The following SNAPC4 variants were observed in gnomAD, a reference collection of about 807,000 sequenced individuals.
The protein encoded by SNAPC4 is small nuclear RNA activating complex polypeptide 4, also known as snRNA-activating protein complex subunit 4.
SNAPC4 carries 127 observed loss-of-function variants against 151.3 expected under a neutral mutation model. The observed-to-expected ratio is 0.84, with a 90% CI of 0.73 to 0.97. SNAPC4 has a LOEUF of 0.97. Among genes scored for constraint, SNAPC4 ranks in the 50% least tolerant of loss-of-function variants. The pLI, the probability that SNAPC4 is intolerant of heterozygous loss-of-function variation, is 0.00. For synonymous variants in SNAPC4, 1,002 were observed against 824.4 expected (o/e 1.22, Z -3.69); for missense variants, 2,186 against 1,935.0 (o/e 1.13, Z -2.43).
chr9:136,394,196 T>C (rs1834177917), intron 7 of SNAPC4, 53 bp downstream of exon 7: 10 of 1,409,504 alleles, frequency 7.1e-6, no homozygotes, highest in Non-Finnish European at 8.0e-6. Context: ...ATTCCAGGCA[T>C]GAGCCCTATG....
chr9:136,388,698 A>G, intron 10 of SNAPC4, 107 bp from the exon 11 acceptor site: 2 of 1,332,538 alleles, frequency 1.5e-6, no homozygotes, highest in Non-Finnish European at 2.1e-6. Flanking sequence ...CACTGGGGTG[A>G]CCCTTCTGCA....
At position 136,387,764 on chromosome 9, in the gene SNAPC4, T is replaced by G. The variant is rs1418571025; in HGVS notation, c.1208A>C (p.Tyr403Ser). 1 of 1,610,882 alleles carries G rather than the reference T, an allele frequency of 6.2e-7. No individual in the cohort carries two copies. Among genetic ancestry groups the G allele is most frequent in the Non-Finnish European group, 8.5e-7 (1 of 1,177,104 alleles). Residue 403 changes from tyrosine to serine, a missense_variant, in exon 12 of 24, where the codon TAC (tyrosine) becomes TCC (serine). By Grantham distance (144) the Tyr-to-Ser change is moderately radical. Coordinates refer to ENST00000684778, the MANE Select transcript of SNAPC4 (RefSeq NM_003086.4). ...KSLDPGLKKGYWAPEEDAKLL... is the reference protein window; with the variant it reads ...KSLDPGLKKGSWAPEEDAKLL... The stretch of plus-strand genomic sequence containing the variant: ...TACAGCATCTTCCTCCGGGGCCCAG[T>G]AACCCTTCTTCAGACCAGGATCCAA...
At chr9:136,385,797 G>C (rs1398737743) in intron 13 of SNAPC4, among the ~76,000 whole-genome samples, 1 of 152,062 alleles carries the variant, frequency 6.6e-6, no homozygotes, top group Non-Finnish European at 1.5e-5. Context: ...CTCATGATCT[G>C]TCCGCCTTGG....
chr9:136,375,986 C>G (rs747205425), intron 23 of SNAPC4, among the ~76,000 whole-genome samples, 186 bp from the exon 24 acceptor site: 1 of 152,200 alleles, frequency 6.6e-6, no homozygotes, highest in Non-Finnish European at 1.5e-5. Context: ...GAAGAGCCAG[C>G]CTGGTGGCTG....
chr9:136,379,414 C>A, intron 21 of SNAPC4, 115 bp from the exon 22 acceptor site: 1 of 1,491,432 alleles, frequency 6.7e-7, no homozygotes, highest in African/African-American at 1.4e-5. Context: ...GGTCTTGAGC[C>A]AAGAGAGGGT....
At position 136,389,754 on chromosome 9, in the gene SNAPC4, G is replaced by T. The variant is rs375921442; in HGVS notation, c.976-1163C>A. On this transcript the variant is annotated intron_variant, in intron 10 of 23. Coordinates refer to ENST00000684778, the MANE Select transcript of SNAPC4 (RefSeq NM_003086.4). ...AGTTGGGAAGGCAAAGGACTGGGGG[G>T]TGGGGCGGGATTCAGAGCTGGGCCC... is the stretch of plus-strand genomic sequence containing the variant. 4.6e-5 allele frequency among the ~76,000 whole-genome samples: 7 copies of T among 152,298 alleles called. No individual in the cohort carries two copies. In the East Asian group the frequency reaches 9.7e-4, roughly 21 times the overall value.
In SNAPC4 at chr9:136,383,833, G is replaced by T; in HGVS notation, c.1500+120C>A. On this transcript the variant is annotated intron_variant, in intron 15 of 23. Transcript: ENST00000684778. This position sits in a 1 kb window ranked among gnomAD's most constrained non-coding sequence, Gnocchi z 4.2. ...TCCCTTTGCCCTTGGCCACCCAGAA[G>T]AAGAAATGCCAAGACCAGAAACCGA... 2 of 1,344,992 alleles carry T rather than the reference G, an allele frequency of 1.5e-6. No homozygotes were observed. The highest frequency in any genetic ancestry group is 1.2e-5 in the South Asian group (1 of 80,984). 83.3% of individuals were successfully genotyped at this position (1,344,992 alleles called of 1,614,324 possible).
rs1417880829 is a variant in SNAPC4, at chr9:136,378,350, G to A, written c.3477C>T (p.Ala1159=). 1.9e-6 allele frequency: 3 copies of A among 1,609,392 alleles called. No homozygotes were observed. The East Asian group carries it at 6.7e-5, about 36-fold the overall frequency. Residue 1159 remains alanine, a synonymous_variant, in exon 22 of 24, where the codon GCC becomes GCT. Transcript: ENST00000684778. ...RTDTPAPPTH[A]LSQSPAEADG... ...CCGCTTCTGCAGGACTTTGGGAGAG[G>A]GCGTGTGTGGGAGGAGCTGGGGTGT...
chr9:136,383,083 A>G lies in SNAPC4; in HGVS notation c.1983+103T>C. On this transcript the variant is annotated intron_variant, in intron 16 of 23. Coordinates refer to ENST00000684778, the MANE Select transcript of SNAPC4 (RefSeq NM_003086.4). The surrounding 1 kb of genome is among the most constrained non-coding windows in gnomAD (Gnocchi z 4.2). ...CCAGAAGTAGCACGTTCTGATGCAC[A>G]CGAACCCTGGGGCCCCTGCTGCTGC... 6.9e-7 allele frequency: 1 copy of G among 1,447,584 alleles called. No homozygotes were observed. The highest frequency in any genetic ancestry group is 1.5e-5 in the South Asian group (1 of 68,210). The allele number at this position is 1,447,584 out of a possible 1,614,324, so 89.7% of individuals were successfully genotyped here.
rs564608159 is a variant in SNAPC4 at position 136,395,357 on chromosome 9, G to A, written c.412C>T (p.Pro138Ser). The change falls in exon 5 of 24, where the codon CCA becomes TCA. Residue 138 changes from proline to serine, a missense_variant. By Grantham distance (74) the Pro-to-Ser change is moderately conservative. Coordinates refer to ENST00000684778, the MANE Select transcript of SNAPC4 (RefSeq NM_003086.4). ...TKVKDGKSLP[P>S]STYMGHFMKP... ...ATGAAGTGCCCCATGTATGTGCTTG[G>A]GGGCAGGCTTTTGCCATCTTTCACC... 71 of 1,613,674 alleles carry A rather than the reference G, an allele frequency of 4.4e-5. 1 individual carries two copies. The South Asian group carries it at 7.4e-4, about 17-fold the overall frequency.
chr9:136,392,495 T>C, intron 9 of SNAPC4, 27 bp downstream of exon 9: 1 of 1,608,742 alleles, frequency 6.2e-7, no homozygotes, highest in Non-Finnish European at 8.5e-7. Context: ...CCAAGCTGCT[T>C]GGGGCTCAGA....
chr9:136,376,991 G>A (rs1833469494), intron 22 of SNAPC4, among the ~76,000 whole-genome samples: 1 of 152,200 alleles, frequency 6.6e-6, no homozygotes, highest in African/African-American at 2.4e-5. Flanking sequence ...TGGGCACCCT[G>A]GCACCAGGGG....
intron 10 of SNAPC4, among the ~76,000 whole-genome samples, chr9:136,389,160 C>T (rs1833987192): frequency 6.6e-6 from 1 of 152,200 alleles, no homozygotes; most frequent in Non-Finnish European, 1.5e-5. Flanking sequence ...CACCCTCAGT[C>T]CACACAGTGG....
At chr9:136,384,145 C>T in intron 14 of SNAPC4, 113 bp from the exon 15 acceptor site, 2 of 769,932 alleles carry the variant, frequency 2.6e-6, no homozygotes, top group Middle Eastern at 2.9e-4. Context: ...GCCTCCTGTG[C>T]ACTCTCACGC....
chr9:136,378,125 A>AGGCC lies in SNAPC4; in HGVS notation c.3698_3701dup (p.Leu1235AlafsTer15). The AGGCC allele has an allele frequency of 6.2e-7, 1 of 1,603,788 alleles. No homozygotes were observed. Among genetic ancestry groups the AGGCC allele is most frequent in the Non-Finnish European group, 8.5e-7 (1 of 1,176,390 alleles). On this transcript the variant is annotated frameshift_variant, in exon 22 of 24. Coordinates refer to ENST00000684778, the MANE Select transcript of SNAPC4 (RefSeq NM_003086.4). LOFTEE classifies it high-confidence loss of function. ...GCAGGGGCAGCTTCTCCAGGCCCAGAGGCCCCCTGGGCTCCTGTGTCCCTG... is the reference window on the plus strand; with the variant it reads ...GCAGGGGCAGCTTCTCCAGGCCCAGAGGCCGGCCCCCTGGGCTCCTGTGTCCCTG...
chr9:136,382,138 A>G (rs1191607626), intron 17 of SNAPC4, 65 bp from the exon 18 acceptor site: 12 of 1,566,162 alleles, frequency 7.7e-6, no homozygotes, highest in African/African-American at 1.4e-5. Context: ...GACCCTGCCC[A>G]GTGGCCAGTG....
intron 10 of SNAPC4, among the ~76,000 whole-genome samples, chr9:136,391,204 T>C (rs952270117): frequency 6.6e-6 from 1 of 152,164 alleles, no homozygotes; most frequent in Admixed American, 6.5e-5. Context: ...ACAGAGAACA[T>C]ACCTTTTTCT....
chr9:136,391,888 G>A (rs1834086355), intron 10 of SNAPC4, 54 bp downstream of exon 10: 1 of 1,563,626 alleles, frequency 6.4e-7, no homozygotes, highest in Non-Finnish European at 8.6e-7. Context: ...TCCCGCTATA[G>A]GGCCCACACG....
At position 136,388,606 on chromosome 9, in the gene SNAPC4, A is replaced by T; in HGVS notation, c.976-15T>A. 1 of 1,613,824 alleles carries T rather than the reference A, an allele frequency of 6.2e-7. No homozygotes were observed. Among genetic ancestry groups the T allele is most frequent in the Non-Finnish European group, 8.5e-7 (1 of 1,179,982 alleles). On this transcript the variant is annotated splice_polypyrimidine_tract_variant and intron_variant, in intron 10 of 23. Coordinates refer to ENST00000684778, the MANE Select transcript of SNAPC4 (RefSeq NM_003086.4). ...CTGCGGCTGGTCTTCCCAGGCCCAAACAAAAGCAAATGAGTGTTACTGCGC... is the reference window on the plus strand; with the variant it reads ...CTGCGGCTGGTCTTCCCAGGCCCAATCAAAAGCAAATGAGTGTTACTGCGC...
Sources: allele counts gnomAD v4.1 joint callset (sites outside exome capture counted in the v4.1 genomes callset), GRCh38; gene constraint gnomAD v4.1.1; non-coding constraint Gnocchi (gnomAD v3.1); transcripts MANE v1.5; gene names NCBI Gene and HGNC (gene_info 2026-07-23, HGNC 2026-07-21).